The following ITGB8 variants were observed in gnomAD, a reference collection of about 807,000 sequenced individuals.
The protein encoded by ITGB8 is integrin subunit beta 8.
A neutral mutation model predicts 89.5 loss-of-function variants in ITGB8; 30 were observed. That is an observed-to-expected ratio of 0.34 (90% CI 0.25 to 0.45). The LOEUF (loss-of-function observed/expected upper bound fraction) is 0.45, where lower values mean the gene tolerates loss of function less well. Ranked by LOEUF, ITGB8 falls within the 20% of genes least tolerant of loss-of-function variation. The pLI, the probability that ITGB8 is intolerant of heterozygous loss-of-function variation, is 1.00. For missense variants in ITGB8, 836 were observed against 933.3 expected (o/e 0.90, Z 1.36); for synonymous variants, 335 against 320.4 (o/e 1.05, Z -0.49).
chr7:20,378,401 T>G (rs1011003096), intron 3 of ITGB8, among the ~76,000 whole-genome samples: 4 of 152,204 alleles, frequency 2.6e-5, no homozygotes, highest in African/African-American at 9.6e-5. Flanking sequence ...CATGTGGCAC[T>G]GCAGGGCACC....
At chr7:20,339,770 G>A (rs1435230304) in intron 1 of ITGB8, among the ~76,000 whole-genome samples, 2 of 152,158 alleles carry the variant, frequency 1.3e-5, no homozygotes, top group Non-Finnish European at 2.9e-5. Flanking sequence ...GCTCACATCT[G>A]TAATCTCAGC....
chr7:20,404,101 G>T (rs1787433642), intron 10 of ITGB8, among the ~76,000 whole-genome samples: 1 of 152,126 alleles, frequency 6.6e-6, no homozygotes, highest in South Asian at 2.1e-4. Flanking sequence ...GAATGCAATT[G>T]TTCAACTTCT....
In ITGB8 at chr7:20,411,631, T is replaced by C. The variant is rs1787765086; in HGVS notation, c.*1634T>C. ...CCTCTTGAATCTTTAAAATATTCAA[T>C]TGGCAAATGTTTTTCAATGTGATTT... On this transcript the variant is annotated 3_prime_UTR_variant, in exon 14 of 14. Coordinates refer to ENST00000222573, the MANE Select transcript of ITGB8 (RefSeq NM_002214.3). 3 of 152,650 alleles carry C rather than the reference T, an allele frequency of 2.0e-5. No individual in the cohort carries two copies. 9.5% of individuals were successfully genotyped at this position (152,650 alleles called of 1,614,324 possible). A position where few individuals can be genotyped will look rare whatever the true frequency, so the allele number is the denominator to read the frequency against.
At chr7:20,355,686 C>G (rs904906867) in intron 1 of ITGB8, among the ~76,000 whole-genome samples, 3 of 152,150 alleles carry the variant, frequency 2.0e-5, no homozygotes, top group African/African-American at 7.2e-5. Context: ...TTTCCATGGT[C>G]TGAATGCTTG....
chr7:20,331,635 C>A lies in ITGB8; in HGVS notation c.-172C>A, dbSNP rs998528317. On this transcript the variant is annotated 5_prime_UTR_variant, in exon 1 of 14. Transcript: ENST00000222573. ...AGGGGCCCTGAGATGCCGAGCGGTG[C>A]CCGGGCCCGCTTACCTGCACCGCTT... 6 of 689,276 alleles carry A rather than the reference C, an allele frequency of 8.7e-6. No homozygotes were observed. Among genetic ancestry groups the A allele is most frequent in the Non-Finnish European group, 1.3e-5 (6 of 461,394 alleles). 42.7% of individuals were successfully genotyped at this position (689,276 alleles called of 1,614,324 possible). A position where few individuals can be genotyped will look rare whatever the true frequency, so the allele number is the denominator to read the frequency against.
chr7:20,342,453 C>G (rs1308642167), intron 1 of ITGB8, among the ~76,000 whole-genome samples: 1 of 152,154 alleles, frequency 6.6e-6, no homozygotes, highest in African/African-American at 2.4e-5. Context: ...CTTTCTAGGC[C>G]TCTAAGGATG....
chr7:20,382,006 A>G, intron 6 of ITGB8, 121 bp downstream of exon 6: 1 of 788,210 alleles, frequency 1.3e-6, no homozygotes, highest in Middle Eastern at 2.8e-4. Context: ...CAGAACAAGG[A>G]TAAGCCATGA....
In ITGB8 at chr7:20,382,087, G is replaced by A. The variant is rs1786422751; in HGVS notation, c.960+202G>A. 3 of 439,378 alleles carry A rather than the reference G, an allele frequency of 6.8e-6. No homozygotes were observed. The East Asian group carries it at 1.1e-4, about 16-fold the overall frequency. 27.2% of individuals were successfully genotyped at this position (439,378 alleles called of 1,614,324 possible). On this transcript the variant is annotated intron_variant, in intron 6 of 13. Transcript: ENST00000222573. ...AATATATGAATAAAACAGTTTGACA[G>A]TTTCTAGTAGCTGACTCTTTGATGA... is the stretch of plus-strand genomic sequence containing the variant.
chr7:20,339,533 G>A (rs1784684831), intron 1 of ITGB8, among the ~76,000 whole-genome samples: 1 of 152,032 alleles, frequency 6.6e-6, no homozygotes, highest in Admixed American at 6.6e-5. Flanking sequence ...TTCTTGCTAG[G>A]AAACTACTAA....
Position 20,394,898 on chromosome 7 carries a change from T to C in ITGB8, c.1059T>C (p.Asp353=), listed in dbSNP as rs1787007896. 2.5e-6 allele frequency: 4 copies of C among 1,608,642 alleles called. No homozygotes were observed. The East Asian group carries it at 8.9e-5, about 36-fold the overall frequency. Residue 353 remains aspartate (D), a splice_region_variant and synonymous_variant, in exon 8 of 14, where the codon GAT becomes GAC. Transcript: ENST00000222573. ...VQGKQFHWYK[D]LLPLLPGTIA... ...AATGCTACTGATATGTTTTATAGGA[T>C]CTTCTACCCCTCTTGCCAGGCACCA... is the stretch of plus-strand genomic sequence containing the variant.
At chr7:20,335,402 G>A (rs1002163204) in intron 1 of ITGB8, among the ~76,000 whole-genome samples, 4 of 152,146 alleles carry the variant, frequency 2.6e-5, no homozygotes, top group Non-Finnish European at 2.9e-5. Flanking sequence ...TGATACGCAT[G>A]TATATGAACA....
At chr7:20,361,101 T>A (rs1279716444) in intron 1 of ITGB8, among the ~76,000 whole-genome samples, 2 of 152,088 alleles carry the variant, frequency 1.3e-5, no homozygotes, top group Non-Finnish European at 2.9e-5. Context: ...TCTCTAATGA[T>A]CGGTGATGTT....
At chr7:20,376,614 C>T (rs907818740) in intron 3 of ITGB8, among the ~76,000 whole-genome samples, 8 of 152,104 alleles carry the variant, frequency 5.3e-5, no homozygotes, top group Non-Finnish European at 2.9e-5. Flanking sequence ...TGAGGACTAT[C>T]TCAAACTAAT....
intron 7 of ITGB8, among the ~76,000 whole-genome samples, chr7:20,392,787 G>C (rs1435004694): frequency 6.6e-6 from 1 of 152,154 alleles, no homozygotes; most frequent in African/African-American, 2.4e-5. Flanking sequence ...TTCTGTGTCT[G>C]ACTTAGTGAA....
chr7:20,410,019 A>G lies in ITGB8; in HGVS notation c.*22A>G. On this transcript the variant is annotated 3_prime_UTR_variant, in exon 14 of 14. Coordinates refer to ENST00000222573, the MANE Select transcript of ITGB8 (RefSeq NM_002214.3). The stretch of plus-strand genomic sequence containing the variant: ...CTAAAAAAAGATTTTTAAACACTTA[A>G]TGGGAAACTGGAATTGTTAATAATT... The G allele has an allele frequency of 6.3e-7, 1 of 1,596,944 alleles. No homozygotes were observed.
chr7:20,381,622 C>A, intron 5 of ITGB8, 105 bp from the exon 6 acceptor site: 3 of 811,008 alleles, frequency 3.7e-6, no homozygotes, highest in South Asian at 1.8e-5. Context: ...ATCGTTCTAG[C>A]CTGACTTACT....
At chr7:20,350,484 A>C (rs1169004549) in intron 1 of ITGB8, among the ~76,000 whole-genome samples, 8 of 152,166 alleles carry the variant, frequency 5.3e-5, no homozygotes, top group Admixed American at 5.2e-4. Context: ...TCCTATTATA[A>C]ACTGTATCTT....
Position 20,410,200 on chromosome 7 carries a change from A to G in ITGB8, c.*203A>G. ...ACTTTTTCAGAGAAAAATGTGTCTT[A>G]CTACTGTTTGAGACTAGTGTCGTTG... On this transcript the variant is annotated 3_prime_UTR_variant, in exon 14 of 14. Transcript: ENST00000222573. 1.8e-6 allele frequency: 1 copy of G among 562,788 alleles called. No individual in the cohort carries two copies. The highest frequency in any genetic ancestry group is 2.2e-5 in the South Asian group (1 of 46,412). The allele number at this position is 562,788 out of a possible 1,614,324, so 34.9% of individuals were successfully genotyped here.
chr7:20,362,733 T>TGTTA (rs774539943), intron 1 of ITGB8, among the ~76,000 whole-genome samples: 8 of 152,220 alleles, frequency 5.3e-5, no homozygotes, highest in Admixed American at 1.3e-4. Flanking sequence ...GAACATCTTA[T>TGTTA]GTTAAAGAAT....
Sources: gnomAD v4.1 joint callset for allele counts (sites outside exome capture counted in the v4.1 genomes callset) on GRCh38, gnomAD v4.1.1 for gene constraint, MANE v1.5 for transcripts, NCBI Gene and HGNC (gene_info 2026-07-23, HGNC 2026-07-21) for gene names.